Variants in SYNE2 observed in about 807,000 individuals in gnomAD.
SYNE2 encodes the protein nesprin-2.
A neutral mutation model predicts 856.3 loss-of-function variants in SYNE2; 431 were observed. The observed-to-expected ratio is 0.50, with a 90% CI of 0.47 to 0.55. The LOEUF (loss-of-function observed/expected upper bound fraction) is 0.55. Ranked by LOEUF, SYNE2 falls within the 20% of genes least tolerant of loss-of-function variation. The pLI, the probability that SYNE2 is intolerant of heterozygous loss-of-function variation, is 0.00. For synonymous variants in SYNE2, 2,923 were observed against 2,872.3 expected (o/e 1.02, Z -0.56); for missense variants, 8,129 against 8,023.2 (o/e 1.01, Z -0.50).
intron 1 of SYNE2, among the ~76,000 whole-genome samples, chr14:63,902,765 C>A (rs2095355955): frequency 6.6e-6 from 1 of 151,866 alleles, no homozygotes; most frequent in South Asian, 2.1e-4. Context: ...ATGAACACGA[C>A]TCACTGCAGC....
At chr14:63,831,741 G>A (rs903196894) in intron 1 of SYNE2, among the ~76,000 whole-genome samples, 4 of 150,862 alleles carry the variant, frequency 2.7e-5, no homozygotes, top group African/African-American at 4.9e-5. Flanking sequence ...TTTTACTTTC[G>A]CCATGTTGGC....
At chr14:64,010,236 C>T in intron 32 of SYNE2, 120 bp downstream of exon 32, 1 of 1,077,386 alleles carries the variant, frequency 9.3e-7, no homozygotes, top group South Asian at 1.4e-5. Context: ...TACTAGTGAC[C>T]CTATTTTACC....
At chr14:64,164,861 A>G (rs2098362461) in intron 89 of SYNE2, among the ~76,000 whole-genome samples, 1 of 142,368 alleles carries the variant, frequency 7.0e-6, no homozygotes, top group Non-Finnish European at 1.5e-5. Context: ...ACTTTTTTTT[A>G]TTTTTTGTTT....
At chr14:64,220,303 AG>A in intron 110 of SYNE2, 133 bp from the exon 111 acceptor site, 1 of 997,844 alleles carries the variant, frequency 1.0e-6, no homozygotes, top group Non-Finnish European at 1.5e-6. Flanking sequence ...AGCCAGTCCC[AG>A]GCGAGGTCAC....
intron 1 of SYNE2, among the ~76,000 whole-genome samples, chr14:63,856,570 A>G (rs975249350): frequency 1.3e-5 from 2 of 152,144 alleles, no homozygotes; most frequent in African/African-American, 4.8e-5. Flanking sequence ...ATTATTGTGA[A>G]ATATTTCAGA....
intron 84 of SYNE2, among the ~76,000 whole-genome samples, chr14:64,148,182 G>A (rs1218216332): frequency 6.6e-6 from 1 of 152,092 alleles, no homozygotes; most frequent in Non-Finnish European, 1.5e-5. Context: ...GGGCATGGTG[G>A]TGCATGCCTG....
chr14:64,009,610 A>G (rs1444686855), intron 31 of SYNE2, among the ~76,000 whole-genome samples: 1 of 151,868 alleles, frequency 6.6e-6, no homozygotes, highest in Non-Finnish European at 1.5e-5. Context: ...TATTGAAATA[A>G]TCTGCCAGAG....
chr14:63,786,611 C>A lies in SYNE2; in HGVS notation c.-305+24625C>A, dbSNP rs79128533. 3.2e-3 allele frequency among the ~76,000 whole-genome samples: 481 copies of A among 152,286 alleles called. 3 individuals carry two copies. The highest frequency in any genetic ancestry group is 0.011 in the African/African-American group (461 of 41,562). ...TTTCCTATTGCAGATGAGGACCCAA[C>A]TCTATTTGCTCTTCCTTCACCAACA... On this transcript the variant is annotated intron_variant, in intron 1 of 23. Transcript: ENST00000674003.
At chr14:63,979,072 C>T in intron 14 of SYNE2, 58 bp downstream of exon 14, 2 of 1,567,726 alleles carry the variant, frequency 1.3e-6, no homozygotes, top group Admixed American at 3.3e-5. Flanking sequence ...GCTGTGTTTG[C>T]ATTTTTCCTT....
At chr14:64,083,859 A>G (rs2097541102) in intron 57 of SYNE2, among the ~76,000 whole-genome samples, 1 of 152,258 alleles carries the variant, frequency 6.6e-6, no homozygotes, top group African/African-American at 2.4e-5. Context: ...TAATTCCACA[A>G]ATACTACTGT....
Position 64,020,101 on chromosome 14 carries a change from T to A in SYNE2, c.5151+8T>A. ...ATACCTCTTGAATTGCAGGTAAGAATTTTTATTTAAAAGTTTCAGTTATTG... is the reference window on the plus strand; with the variant it reads ...ATACCTCTTGAATTGCAGGTAAGAAATTTTATTTAAAAGTTTCAGTTATTG... On this transcript the variant is annotated splice_region_variant and intron_variant, in intron 35 of 115. Coordinates refer to ENST00000555002, the MANE Select transcript of SYNE2 (RefSeq NM_182914.3). 1 of 1,595,188 alleles carries A rather than the reference T, an allele frequency of 6.3e-7. No individual in the cohort carries two copies. The highest frequency in any genetic ancestry group is 2.2e-5 in the East Asian group (1 of 44,786).
intron 54 of SYNE2, 106 bp from the exon 55 acceptor site, chr14:64,078,360 A>T (rs2097487120): frequency 6.7e-7 from 1 of 1,489,634 alleles, no homozygotes; most frequent in East Asian, 2.3e-5. Context: ...GCCCTTAAAA[A>T]ATTTTTACAA....
Position 63,828,644 on chromosome 14 carries a change from T to G in SYNE2, c.-304-23857T>G, listed in dbSNP as rs1889553651. Among the ~76,000 whole-genome samples the G allele has an allele frequency of 2.0e-5, 3 of 152,044 alleles. No individual in the cohort carries two copies. The South Asian group carries it at 6.2e-4, about 32-fold the overall frequency. ...CAAAACTGAGGCTTAGGCAGGAGAA[T>G]TACTTGAACTTGGGAGGCAGAGGTT... On this transcript the variant is annotated intron_variant, in intron 1 of 23. Transcript: ENST00000674003.
intron 10 of SYNE2, among the ~76,000 whole-genome samples, chr14:63,967,285 T>C (rs911806986): frequency 6.6e-6 from 1 of 152,242 alleles, no homozygotes; most frequent in South Asian, 2.1e-4. Context: ...AAGAATAAGC[T>C]GAAGCTCAGT....
chr14:64,087,531 G>A lies in SYNE2; in HGVS notation c.11485-140G>A, dbSNP rs76478718. 3.1e-4 allele frequency: 278 copies of A among 884,434 alleles called. No homozygotes were observed. In the African/African-American group the frequency reaches 4.1e-3, roughly 13 times the overall value. The allele number at this position is 884,434 out of a possible 1,614,324, so 54.8% of individuals were successfully genotyped here. A position where few individuals can be genotyped will look rare whatever the true frequency, so the allele number is the denominator to read the frequency against. The stretch of plus-strand genomic sequence containing the variant: ...TTCACTGTCATTGACAATAGAGGGT[G>A]TTCTGTTTTCATTATCGAACTAGAA... On this transcript the variant is annotated intron_variant, in intron 57 of 115. Coordinates refer to ENST00000555002, the MANE Select transcript of SYNE2 (RefSeq NM_182914.3).
Position 64,219,303 on chromosome 14 carries a change from G to C in SYNE2, c.19753G>C (p.Ala6585Pro), listed in dbSNP as rs148199074. 1 of 1,613,890 alleles carries C rather than the reference G, an allele frequency of 6.2e-7. No homozygotes were observed. Among genetic ancestry groups the C allele is most frequent in the Admixed American group, 1.7e-5 (1 of 59,984 alleles). The change falls in exon 110 of 116, where the codon GCC (alanine) becomes CCC (proline). Residue 6585 changes from alanine (A) to proline (P), a missense_variant. Transcript: ENST00000555002. ...GCAACAGCTGAACTCTGATATCAGC[G>C]CCATCACTACTTGGCTGAAAAAAAC... ...NLQQLNSDIS[A>P]ITTWLKKTEA... is the part of the protein sequence containing the mutation.
At chr14:64,191,639 T>C (rs1360787015) in intron 99 of SYNE2, among the ~76,000 whole-genome samples, 1 of 152,214 alleles carries the variant, frequency 6.6e-6, no homozygotes, top group Non-Finnish European at 1.5e-5. Context: ...TGCTAAATAC[T>C]TGGCCTTCTG....
chr14:63,863,961 A>G (rs1894498993), intron 1 of SYNE2, among the ~76,000 whole-genome samples: 1 of 152,084 alleles, frequency 6.6e-6, no homozygotes, highest in African/African-American at 2.4e-5. Context: ...AGCTGGGATT[A>G]CAGGCGCACG....
intron 52 of SYNE2, among the ~76,000 whole-genome samples, chr14:64,071,999 T>C (rs1297890835): frequency 6.6e-6 from 1 of 152,054 alleles, no homozygotes; most frequent in Non-Finnish European, 1.5e-5. Context: ...GCCTGAAACG[T>C]CCATCTCAAA....
Sources: allele counts gnomAD v4.1 joint callset (sites outside exome capture counted in the v4.1 genomes callset), GRCh38; gene constraint gnomAD v4.1.1; transcripts MANE v1.5; gene names NCBI Gene and HGNC (gene_info 2026-07-23, HGNC 2026-07-21).